Variants in PTPRZ1 observed in about 807,000 individuals in gnomAD.
PTPRZ1 encodes receptor-type tyrosine-protein phosphatase zeta.
In PTPRZ1, 82 loss-of-function variants were observed where a neutral mutation model predicts 214.1. That is an observed-to-expected ratio of 0.38 (90% CI 0.32 to 0.46). The LOEUF (loss-of-function observed/expected upper bound fraction) is 0.46. PTPRZ1 is among the 20% of genes least tolerant of loss of function. The pLI, the probability that PTPRZ1 is intolerant of heterozygous loss-of-function variation, is 1.00. For missense variants in PTPRZ1, 2,603 were observed against 2,748.7 expected (o/e 0.95, Z 1.19); for synonymous variants, 945 against 987.9 (o/e 0.96, Z 0.81).
chr7:121,898,466 A>C (rs1294329444), intron 1 of PTPRZ1, among the ~76,000 whole-genome samples: 2 of 152,144 alleles, frequency 1.3e-5, no homozygotes, highest in Non-Finnish European at 2.9e-5. Flanking sequence ...TGTAATAGAT[A>C]TTGTCTCCAT....
intron 20 of PTPRZ1, among the ~76,000 whole-genome samples, 169 bp downstream of exon 20, chr7:122,039,757 G>C (rs994512953): frequency 6.6e-6 from 1 of 152,156 alleles, no homozygotes; most frequent in African/African-American, 2.4e-5. Context: ...CAGGACATTG[G>C]GAGGCCAAGG....
chr7:122,054,801 A>G (rs942673498), intron 26 of PTPRZ1, 140 bp from the exon 27 acceptor site: 1 of 795,480 alleles, frequency 1.3e-6, no homozygotes, highest in African/African-American at 1.8e-5. Context: ...GGCACGAGAA[A>G]GATGTTAAGA....
chr7:121,984,067 C>G lies in PTPRZ1; in HGVS notation c.878C>G (p.Ser293Cys). The change falls in exon 8 of 30, where the codon TCT (serine) becomes TGT (cysteine). Residue 293 changes from serine (S) to cysteine (C), a missense_variant. Transcript: ENST00000393386. Reference protein sequence around the residue: ...NNFREQQYKFSRQVFSSYTGK... With the variant: ...NNFREQQYKFCRQVFSSYTGK... ...TTTCGAGAGCAACAGTACAAGTTCT[C>G]TAGACAGGTGTTTTCCTCATACACT... is the stretch of plus-strand genomic sequence containing the variant. 1.9e-6 allele frequency: 3 copies of G among 1,613,600 alleles called. No homozygotes were observed. The highest frequency in any genetic ancestry group is 1.3e-5 in the African/African-American group (1 of 75,018).
chr7:122,048,563 A>G (rs1451828421), intron 23 of PTPRZ1, among the ~76,000 whole-genome samples: 2 of 152,158 alleles, frequency 1.3e-5, no homozygotes, highest in African/African-American at 4.8e-5. Flanking sequence ...CCCTCCTGTG[A>G]TTATTATGCA....
At chr7:122,051,324 T>C in intron 23 of PTPRZ1, 104 bp from the exon 24 acceptor site, 1 of 674,564 alleles carries the variant, frequency 1.5e-6, no homozygotes. Context: ...GTCAGTATCT[T>C]ATCTTGATTG....
intron 1 of PTPRZ1, among the ~76,000 whole-genome samples, chr7:121,902,391 G>C (rs1249946228): frequency 1.3e-5 from 2 of 152,150 alleles, no homozygotes; most frequent in African/African-American, 4.8e-5. Flanking sequence ...CAGTGCAATG[G>C]TTGACACATG....
chr7:121,985,501 A>T (rs1252541568), intron 8 of PTPRZ1, among the ~76,000 whole-genome samples: 1 of 152,212 alleles, frequency 6.6e-6, no homozygotes, highest in Admixed American at 6.5e-5. Context: ...CCCAACTAGC[A>T]TCCTTCCCTT....
intron 9 of PTPRZ1, 56 bp from the exon 10 acceptor site, chr7:121,997,824 G>A (rs1798191567): frequency 6.7e-7 from 1 of 1,488,946 alleles, no homozygotes; most frequent in Non-Finnish European, 9.2e-7. Flanking sequence ...GATACCTAGT[G>A]TGTTGGTAGT....
chr7:122,005,366 A>G (rs1333581165), intron 11 of PTPRZ1, among the ~76,000 whole-genome samples: 1 of 151,904 alleles, frequency 6.6e-6, no homozygotes, highest in African/African-American at 2.4e-5. Context: ...TTCAGGTGCT[A>G]TTGTTGATGA....
chr7:122,026,313 C>T (rs914068244), intron 13 of PTPRZ1, among the ~76,000 whole-genome samples: 3 of 152,090 alleles, frequency 2.0e-5, no homozygotes, highest in Non-Finnish European at 2.9e-5. Context: ...CATTTTACAA[C>T]GTTAAGATTC....
Position 121,873,225 on chromosome 7 carries a change from G to C in PTPRZ1, c.-275G>C, listed in dbSNP as rs1793932378. 1 of 426,646 alleles carries C rather than the reference G, an allele frequency of 2.3e-6. No homozygotes were observed. Among genetic ancestry groups the C allele is most frequent in the Non-Finnish European group, 4.1e-6 (1 of 242,024 alleles). 26.4% of individuals were successfully genotyped at this position (426,646 alleles called of 1,614,324 possible). A position where few individuals can be genotyped will look rare whatever the true frequency, so the allele number is the denominator to read the frequency against. On this transcript the variant is annotated 5_prime_UTR_variant, in exon 1 of 30. Transcript: ENST00000393386. ...CGCACGCCGGAGGACATGCGCCTCG[G>C]CTAGCGGCCCCGGGCCCCACCACCG...
chr7:121,902,166 T>A (rs370497539), intron 1 of PTPRZ1, among the ~76,000 whole-genome samples: 2 of 152,206 alleles, frequency 1.3e-5, no homozygotes, highest in African/African-American at 4.8e-5. Flanking sequence ...GGTTTATCCA[T>A]GTTGTCACAA....
At chr7:121,902,362 C>G (rs1362163749) in intron 1 of PTPRZ1, among the ~76,000 whole-genome samples, 1 of 152,124 alleles carries the variant, frequency 6.6e-6, no homozygotes, top group African/African-American at 2.4e-5. Flanking sequence ...GATTACATTT[C>G]CTTTGGATAT....
chr7:122,026,213 T>C (rs1178406601), intron 13 of PTPRZ1, among the ~76,000 whole-genome samples: 1 of 152,146 alleles, frequency 6.6e-6, no homozygotes, highest in Non-Finnish European at 1.5e-5. Context: ...TCACTGAAGG[T>C]ATTCAAACTG....
intron 1 of PTPRZ1, among the ~76,000 whole-genome samples, chr7:121,887,504 C>T (rs1794432147): frequency 6.6e-6 from 1 of 152,004 alleles, no homozygotes; most frequent in African/African-American, 2.4e-5. Context: ...TCAATCAAAT[C>T]ACATTCTCAT....
rs192304178 is a variant in PTPRZ1, at chr7:121,976,414, C to T, written c.552+146C>T. The T allele has an allele frequency of 7.5e-4, 416 of 552,620 alleles. 5 individuals are homozygous for T. Among genetic ancestry groups the T allele is most frequent in the African/African-American group, 7.0e-3 (373 of 53,458 alleles). 34.2% of individuals were successfully genotyped at this position (552,620 alleles called of 1,614,324 possible). ...TGGTCATTTTCAAAAAAAGATGACC[C>T]TTGCCTGGTATTTTTAAAAGGAGAC... On this transcript the variant is annotated intron_variant, in intron 5 of 29. Coordinates refer to ENST00000393386, the MANE Select transcript of PTPRZ1 (RefSeq NM_002851.3).
At position 122,054,920 on chromosome 7, in the gene PTPRZ1, CT is replaced by C. The variant is rs1297581005; in HGVS notation, c.6382-18del. ...TCATTTTATTAAAATCTAGACTCTT[CT>C]TTCATTTGCAATTCTGCAGGCAGAA... On this transcript the variant is annotated intron_variant, in intron 26 of 29. Transcript: ENST00000393386. 5 of 1,573,616 alleles carry C rather than the reference CT, an allele frequency of 3.2e-6. No homozygotes were observed. Among genetic ancestry groups the C allele is most frequent in the South Asian group, 2.4e-5 (2 of 84,158 alleles).
chr7:122,028,515 G>A, intron 13 of PTPRZ1, 37 bp from the exon 14 acceptor site: 1 of 1,411,296 alleles, frequency 7.1e-7, no homozygotes, highest in Non-Finnish European at 9.9e-7. Context: ...ATTTTCCATA[G>A]CAACTAGTAG....
intron 1 of PTPRZ1, among the ~76,000 whole-genome samples, chr7:121,892,422 G>A (rs1009494620): frequency 6.6e-6 from 1 of 151,850 alleles, no homozygotes; most frequent in Non-Finnish European, 1.5e-5. Context: ...GGGGTGGTGG[G>A]ATAGGAAATC....
Sources: gnomAD v4.1 joint callset for allele counts (sites outside exome capture counted in the v4.1 genomes callset) on GRCh38, gnomAD v4.1.1 for gene constraint, MANE v1.5 for transcripts, NCBI Gene and HGNC (gene_info 2026-07-23, HGNC 2026-07-21) for gene names.